Variants in FHAD1 observed in about 807,000 individuals in gnomAD.
FHAD1 encodes forkhead-associated domain-containing protein 1.
Under a neutral mutation model 191.3 loss-of-function variants are expected in FHAD1, and 146 were observed. The observed-to-expected ratio is 0.76, with a 90% CI of 0.67 to 0.88. The LOEUF is 0.88. FHAD1 is among the 40% of genes least tolerant of loss of function. The pLI is 0.00. For synonymous variants in FHAD1, 616 were observed against 672.3 expected (o/e 0.92, Z 1.29); for missense variants, 1,635 against 1,785.8 (o/e 0.92, Z 1.52).
chr1:15,257,760 A>G (rs749497619), intron 2 of FHAD1, among the ~76,000 whole-genome samples: 1 of 152,260 alleles, frequency 6.6e-6, no homozygotes. Flanking sequence ...TCTCTTTTCA[A>G]TAAATACACA....
rs751413197 is a variant in FHAD1, at chr1:15,367,357, G to A, written c.3155-106G>A. The A allele has an allele frequency of 2.5e-4, 317 of 1,274,294 alleles. 2 individuals are homozygous for A. Among genetic ancestry groups the A allele is most frequent in the Non-Finnish European group, 1.7e-4 (160 of 941,294 alleles). 78.9% of individuals were successfully genotyped at this position (1,274,294 alleles called of 1,614,324 possible). On this transcript the variant is annotated intron_variant, in intron 24 of 33. Transcript: ENST00000688493. ...CTAAAAATACAAAAATTAGCCAGTCGTGGTGGCGCATGCCCGTAATCCCAC... is the reference window on the plus strand; with the variant it reads ...CTAAAAATACAAAAATTAGCCAGTCATGGTGGCGCATGCCCGTAATCCCAC...
Position 15,345,087 on chromosome 1 carries a change from T to C in FHAD1, c.2135T>C (p.Leu712Ser). 1 of 1,550,772 alleles carries C rather than the reference T, an allele frequency of 6.4e-7. No homozygotes were observed. Among genetic ancestry groups the C allele is most frequent in the South Asian group, 1.2e-5 (1 of 83,996 alleles). Residue 712 changes from leucine to serine, a missense_variant, in exon 17 of 34, where the codon TTG (leucine) becomes TCG (serine). Transcript: ENST00000688493. ...ACAATGGTCATTGGTTTCCAGGCTT[T>C]GGAGGAGTACATTACTCAAGAGAGA... The part of the protein sequence containing the change: ...IRQLTEEKAA[L>S]EEYITQERNR...
At chr1:15,248,703 A>G (rs1011425498) in intron 1 of FHAD1, among the ~76,000 whole-genome samples, 9 of 151,858 alleles carry the variant, frequency 5.9e-5, no homozygotes, top group Admixed American at 5.9e-4. Flanking sequence ...CTCCTGCCTC[A>G]GACTTCCGAT....
intron 4 of FHAD1, among the ~76,000 whole-genome samples, chr1:15,290,150 T>A (rs1318342621): frequency 6.6e-6 from 1 of 152,174 alleles, no homozygotes; most frequent in Non-Finnish European, 1.5e-5. Context: ...TCCCGTCTAA[T>A]CTAATGTTTT....
intron 26 of FHAD1, among the ~76,000 whole-genome samples, chr1:15,371,530 C>A (rs535691227): frequency 1.3e-5 from 2 of 152,126 alleles, no homozygotes; most frequent in African/African-American, 4.8e-5. Context: ...CCAGCAGATC[C>A]GCAAGGAGGG....
Position 15,247,316 on chromosome 1 carries a change from GC to G in FHAD1, c.-90del. On this transcript the variant is annotated 5_prime_UTR_variant, in exon 1 of 34. Coordinates refer to ENST00000688493, the MANE Select transcript of FHAD1 (RefSeq NM_001391957.1). Reference sequence around the variant, plus strand: ...CGCGGGAGCGCGGCCGGGAGGCTTCGCCCCGGAGCTGGCCCGACGCCTCCCG... The same window carrying G: ...CGCGGGAGCGCGGCCGGGAGGCTTCGCCCGGAGCTGGCCCGACGCCTCCCG... 1 of 213,854 alleles carries G rather than the reference GC, an allele frequency of 4.7e-6. No individual in the cohort carries two copies. The highest frequency in any genetic ancestry group is 1.0e-5 in the Non-Finnish European group (1 of 98,816). The allele number at this position is 213,854 out of a possible 1,614,324, so 13.2% of individuals were successfully genotyped here. A position where few individuals can be genotyped will look rare whatever the true frequency, so the allele number is the denominator to read the frequency against.
At chr1:15,328,233 T>A in intron 12 of FHAD1, 44 bp from the exon 13 acceptor site, 1 of 1,416,718 alleles carries the variant, frequency 7.1e-7, no homozygotes, top group Non-Finnish European at 9.4e-7. Context: ...CACCCCTGTA[T>A]GTTACATCTT....
intron 28 of FHAD1, among the ~76,000 whole-genome samples, chr1:15,377,205 A>C (rs945616827): frequency 6.6e-6 from 1 of 152,220 alleles, no homozygotes; most frequent in African/African-American, 2.4e-5. Flanking sequence ...AGGCTATCCT[A>C]CATTCTCTTG....
At chr1:15,332,731 C>T (rs941945839) in intron 14 of FHAD1, among the ~76,000 whole-genome samples, 8 of 152,058 alleles carry the variant, frequency 5.3e-5, no homozygotes, top group African/African-American at 9.7e-5. Context: ...TAAATAAACA[C>T]GGATTGTAAA....
rs771153283 is a variant in FHAD1, at chr1:15,375,661, C to A, written c.3636C>A (p.Asn1212Lys). 1.9e-6 allele frequency: 3 copies of A among 1,547,912 alleles called. No individual in the cohort carries two copies. The East Asian group carries it at 7.4e-5, about 38-fold the overall frequency. ...FLDLKNLRME[N>K]NVQKILLDAK... ...ATTTAAAGAACCTCAGAATGGAAAA[C>A]AATGTCCAGAAAATACTACTGGATG... The change falls in exon 28 of 34, where the codon AAC (asparagine) becomes AAA (lysine). Residue 1212 changes from asparagine to lysine, a missense_variant. Asn to Lys is a moderately conservative substitution (Grantham distance 94). Transcript: ENST00000688493.
rs1672405832 is a variant in FHAD1, at chr1:15,311,954, CT to C, written c.1040-1101del. Among the ~76,000 whole-genome samples, 1 of 152,208 alleles carries C rather than the reference CT, an allele frequency of 6.6e-6. No homozygotes were observed. Among genetic ancestry groups the C allele is most frequent in the Admixed American group, 6.5e-5 (1 of 15,284 alleles). ...AGCCCGACTAGGGCTCGAGGATCCC[CT>C]TCTGGAATGACTCGCTCACATGGCT... On this transcript the variant is annotated intron_variant, in intron 7 of 33. Coordinates refer to ENST00000688493, the MANE Select transcript of FHAD1 (RefSeq NM_001391957.1). This position sits in a 1 kb window ranked among gnomAD's most constrained non-coding sequence, Gnocchi z 4.1.
rs536587967 is a variant in FHAD1, at chr1:15,278,400, G to A, written c.300+5871G>A. 2.1e-4 allele frequency among the ~76,000 whole-genome samples: 32 copies of A among 151,896 alleles called. 1 individual carries two copies. Among genetic ancestry groups the A allele is most frequent in the Admixed American group, 1.3e-3 (20 of 15,260 alleles). On this transcript the variant is annotated intron_variant, in intron 3 of 33. Coordinates refer to ENST00000688493, the MANE Select transcript of FHAD1 (RefSeq NM_001391957.1). The stretch of plus-strand genomic sequence containing the variant: ...GCCCCCACTATCTGCTAGGAACTGC[G>A]CTGGTTAATAGTTTACTTAGTTAAC...
At chr1:15,340,917 C>G (rs1341726428) in intron 15 of FHAD1, among the ~76,000 whole-genome samples, 2 of 152,156 alleles carry the variant, frequency 1.3e-5, no homozygotes, top group African/African-American at 4.8e-5. Context: ...CACGGTGGCT[C>G]ATGCCTGTAA....
At chr1:15,292,581 C>A (rs116441595) in intron 4 of FHAD1, among the ~76,000 whole-genome samples, 1 of 152,290 alleles carries the variant, frequency 6.6e-6, no homozygotes, top group African/African-American at 2.4e-5. Flanking sequence ...GTGATCCACC[C>A]GCCTTTAAAG....
At chr1:15,399,833 T>C (rs1707008437), downstream of FHAD1, 1 of 152,206 alleles carries the variant, frequency 6.6e-6, no homozygotes, top group Non-Finnish European at 1.5e-5. Flanking sequence ...ACAGAGGCAG[T>C]GCAGCAGATA....
chr1:15,346,783 G>T (rs1322544928), intron 18 of FHAD1, among the ~76,000 whole-genome samples: 1 of 152,210 alleles, frequency 6.6e-6, no homozygotes, highest in Non-Finnish European at 1.5e-5. Context: ...TGAGACACAA[G>T]TTCAAATCCG....
At chr1:15,301,512 A>G (rs1668762980) in intron 6 of FHAD1, 71 bp downstream of exon 6, 3 of 1,358,344 alleles carry the variant, frequency 2.2e-6, no homozygotes, top group African/African-American at 1.5e-5. Flanking sequence ...CCACCAACCA[A>G]GGTGAGCCAC....
chr1:15,282,392 C>T (rs575504), intron 3 of FHAD1, among the ~76,000 whole-genome samples: 44,355 of 152,012 alleles, frequency 0.29, 6,759 homozygotes, highest in Middle Eastern at 0.34. Context: ...GCAAATTTAT[C>T]ATAAATTCCA....
intron 22 of FHAD1, among the ~76,000 whole-genome samples, chr1:15,361,549 A>G (rs6695106): frequency 0.35 from 52,522 of 151,594 alleles, 10,768 homozygotes; most frequent in African/African-American, 0.57. Context: ...TTCCAATCTC[A>G]TGTAGGCACT....
Sources: gnomAD v4.1 joint callset for allele counts (sites outside exome capture counted in the v4.1 genomes callset) on GRCh38, gnomAD v4.1.1 for gene constraint, Gnocchi (gnomAD v3.1) non-coding constraint, MANE v1.5 for transcripts, NCBI Gene and HGNC (gene_info 2026-07-23, HGNC 2026-07-21) for gene names.